The following C14orf93 variants were observed in gnomAD, a reference collection of about 807,000 sequenced individuals.
C14orf93 encodes the protein chromosome 14 open reading frame 93.
C14orf93 carries 23 observed loss-of-function variants against 44.0 expected under a neutral mutation model. That is an observed-to-expected ratio of 0.52 (90% confidence interval 0.38 to 0.74). The LOEUF (loss-of-function observed/expected upper bound fraction) is 0.74, where lower values mean the gene tolerates loss of function less well. Ranked by LOEUF, C14orf93 falls within the 30% of genes least tolerant of loss-of-function variation. C14orf93 has a pLI of 0.00. For missense variants in C14orf93, 579 were observed against 678.9 expected, an observed-to-expected ratio of 0.85 and a Z score of 1.64; for synonymous variants, 253 against 265.7, an observed-to-expected ratio of 0.95 and a Z score of 0.46.
intron 3 of C14orf93, among the ~76,000 whole-genome samples, chr14:22,991,948 T>C (rs531788394): frequency 6.6e-6 from 1 of 152,210 alleles, no homozygotes; most frequent in Non-Finnish European, 1.5e-5. Flanking sequence ...TATTTCTTCA[T>C]GTGTTACCAC....
chr14:22,987,353 G>A lies in C14orf93; in HGVS notation c.1479C>T (p.Tyr493=), dbSNP rs200838548. 34 of 1,614,254 alleles carry A rather than the reference G, an allele frequency of 2.1e-5. 1 individual carries two copies. The Admixed American group carries it at 4.7e-4, about 22-fold the overall frequency. Residue 493 remains tyrosine (Y), a synonymous_variant, in exon 7 of 7, where the codon TAC becomes TAT. Transcript: ENST00000299088. The surrounding 1 kb of genome is among the most constrained non-coding windows in gnomAD (Gnocchi z 5.6). ...AEAQLLPPEL[Y]NPNFQEEEDE... ...CTTCCTCTTCTTGGAAATTAGGATT[G>A]TAAAGTTCTGGTGGAAGGAGCTGGG... is the stretch of plus-strand genomic sequence containing the variant.
Position 22,989,842 on chromosome 14 carries a change from G to C in C14orf93, c.984C>G (p.Ile328Met), listed in dbSNP as rs1253435160. Residue 328 changes from isoleucine (I) to methionine (M), a missense_variant, in exon 5 of 7, where the codon ATC becomes ATG. Transcript: ENST00000299088. Reference sequence around the variant, plus strand: ...CTACTGAAATATTCCAAGAGGACTTGATGCTGCCACAAAGAGAAGAGAATG... The same window carrying C: ...CTACTGAAATATTCCAAGAGGACTTCATGCTGCCACAAAGAGAAGAGAATG... ...NDKRFNGSES[I>M]KSSWNISVVK... 5 of 1,612,946 alleles carry C rather than the reference G, an allele frequency of 3.1e-6. No individual in the cohort carries two copies. Among genetic ancestry groups the C allele is most frequent in the Non-Finnish European group, 4.2e-6 (5 of 1,179,024 alleles).
intron 1 of C14orf93, among the ~76,000 whole-genome samples, chr14:23,001,855 A>T (rs964597861): frequency 2.1e-4 from 31 of 148,694 alleles, no homozygotes; most frequent in Admixed American, 6.0e-4. Context: ...AAAAAAAAAA[A>T]AAAAAAAAAA....
At chr14:23,008,154 CAAAAA>C (rs55936083) in intron 1 of C14orf93, among the ~76,000 whole-genome samples, 3 of 85,064 alleles carry the variant, frequency 3.5e-5, no homozygotes, top group African/African-American at 9.8e-5. Context: ...AACTCCGTTT[CAAAAA>C]AAAAAAAAAA....
At position 22,987,361 on chromosome 14, in the gene C14orf93, C is replaced by G. The variant is rs779937802; in HGVS notation, c.1471G>C (p.Glu491Gln). Residue 491 changes from glutamate to glutamine, a missense_variant, in exon 7 of 7, where the codon GAA (glutamate) becomes CAA (glutamine). Physicochemically the swap from Glu to Gln is conservative, Grantham distance 29. Transcript: ENST00000299088. The surrounding 1 kb of genome is among the most constrained non-coding windows in gnomAD (Gnocchi z 5.6). ...PSAEAQLLPP[E>Q]LYNPNFQEEE... ...TCTTGGAAATTAGGATTGTAAAGTTCTGGTGGAAGGAGCTGGGCTTCAGCA... is the reference window on the plus strand; with the variant it reads ...TCTTGGAAATTAGGATTGTAAAGTTGTGGTGGAAGGAGCTGGGCTTCAGCA... The G allele has an allele frequency of 3.7e-6, 6 of 1,614,100 alleles. No individual in the cohort carries two copies. Among genetic ancestry groups the G allele is most frequent in the Non-Finnish European group, 5.1e-6 (6 of 1,180,054 alleles).
intron 3 of C14orf93, among the ~76,000 whole-genome samples, chr14:22,991,019 C>T (rs1399203084): frequency 9.3e-5 from 14 of 150,984 alleles, no homozygotes; most frequent in Non-Finnish European, 1.2e-4. Flanking sequence ...GGGGTTTCAC[C>T]GTGTTAGCCA....
In C14orf93 at chr14:22,987,886, A is replaced by C; in HGVS notation, c.1197+17T>G. The stretch of plus-strand genomic sequence containing the variant: ...GTTTAGAGTTTAGTATCTTGAAAGA[A>C]AGGCCTAGAAACCTACCCGATATCG... On this transcript the variant is annotated intron_variant, in intron 6 of 6. Transcript: ENST00000299088. This position sits in a 1 kb window ranked among gnomAD's most constrained non-coding sequence, Gnocchi z 5.6. The C allele has an allele frequency of 6.3e-7, 1 of 1,582,570 alleles. No homozygotes were observed. The highest frequency in any genetic ancestry group is 8.7e-7 in the Non-Finnish European group (1 of 1,152,406).
At chr14:23,008,677 CAG>C (rs745960047) in intron 1 of C14orf93, among the ~76,000 whole-genome samples, 12 of 152,296 alleles carry the variant, frequency 7.9e-5, no homozygotes, top group African/African-American at 1.9e-4. Flanking sequence ...GATTCTGTAA[CAG>C]AATGAAGTGA....
intron 4 of C14orf93, 28 bp from the exon 5 acceptor site, chr14:22,989,873 A>G (rs371551519): frequency 1.8e-5 from 29 of 1,594,976 alleles, no homozygotes; most frequent in Non-Finnish European, 2.3e-5. Flanking sequence ...GAATGAATAA[A>G]GTTGTCGGCT....
At chr14:23,007,241 G>A (rs2046670963) in intron 1 of C14orf93, 1 of 152,276 alleles carries the variant, frequency 6.6e-6, no homozygotes, top group Non-Finnish European at 1.5e-5. Context: ...CAGGGTCACG[G>A]ACACTATTGG....
chr14:23,006,309 C>T (rs1455661090), intron 1 of C14orf93: 2 of 152,028 alleles, frequency 1.3e-5, no homozygotes, highest in Non-Finnish European at 1.5e-5. Flanking sequence ...AAGTAAATAC[C>T]ACAAAATACT....
intron 3 of C14orf93, among the ~76,000 whole-genome samples, chr14:22,992,223 T>C (rs1466149252): frequency 6.6e-6 from 1 of 152,056 alleles, no homozygotes; most frequent in Non-Finnish European, 1.5e-5. Context: ...CCCAGTACTT[T>C]GGGAGGCCAA....
At chr14:22,997,204 C>T (rs182567079) in intron 2 of C14orf93, among the ~76,000 whole-genome samples, 3 of 152,314 alleles carry the variant, frequency 2.0e-5, no homozygotes, top group African/African-American at 7.2e-5. Flanking sequence ...CACGGAGAGT[C>T]CTGACCAGCC....
At position 22,996,322 on chromosome 14, in the gene C14orf93, G is replaced by T; in HGVS notation, c.598-54C>A. 1.3e-6 allele frequency: 2 copies of T among 1,482,748 alleles called. No homozygotes were observed. Among genetic ancestry groups the T allele is most frequent in the Non-Finnish European group, 1.8e-6 (2 of 1,104,814 alleles). 91.8% of individuals were successfully genotyped at this position (1,482,748 alleles called of 1,614,324 possible). On this transcript the variant is annotated intron_variant, in intron 2 of 6. Transcript: ENST00000299088. This position sits in a 1 kb window ranked among gnomAD's most constrained non-coding sequence, Gnocchi z 4.1. ...AGCCAGCCAGGCTTAGGGGAACCTG[G>T]TTAACCATCATTCTTTGGCTAAGAA...
chr14:23,001,877 G>A (rs1164592466), intron 1 of C14orf93, among the ~76,000 whole-genome samples: 4 of 149,134 alleles, frequency 2.7e-5, no homozygotes, highest in South Asian at 4.3e-4. Flanking sequence ...AGGGCTGGGC[G>A]GTGGCTCACG....
At chr14:23,003,788 G>A (rs1318494821) in intron 1 of C14orf93, among the ~76,000 whole-genome samples, 5 of 141,960 alleles carry the variant, frequency 3.5e-5, no homozygotes, top group Admixed American at 2.9e-4. Context: ...GAGACAGGGC[G>A]AGACTCCGGC....
intron 1 of C14orf93, among the ~76,000 whole-genome samples, chr14:23,007,650 T>C (rs535685099): frequency 6.6e-6 from 1 of 152,298 alleles, no homozygotes; most frequent in South Asian, 2.1e-4. Context: ...TTCTCTCCTT[T>C]CTTAGGAAGA....
At chr14:22,999,701 T>C (rs1316030900) in intron 1 of C14orf93, among the ~76,000 whole-genome samples, 1 of 152,220 alleles carries the variant, frequency 6.6e-6, no homozygotes, top group Non-Finnish European at 1.5e-5. Context: ...CTGATACCAC[T>C]TTTTGTTGAC....
chr14:22,987,915 A>T lies in C14orf93; in HGVS notation c.1185T>A (p.Ser395Arg). ...LKEKEEKKLR[S>R]RRYRLFANRS... ...CCTAGAAACCTACCCGATATCGGCG[A>T]CTTCGAAGTTTCTTCTCCTCTTTTT... The change falls in exon 6 of 7, where the codon AGT becomes AGA. Residue 395 changes from serine (S) to arginine (R), a missense_variant. Ser to Arg is a moderately radical substitution (Grantham distance 110). Coordinates refer to ENST00000299088, the MANE Select transcript of C14orf93 (RefSeq NM_021944.4). The surrounding 1 kb of genome is among the most constrained non-coding windows in gnomAD (Gnocchi z 5.6). 1 of 1,612,902 alleles carries T rather than the reference A, an allele frequency of 6.2e-7. No homozygotes were observed. The highest frequency in any genetic ancestry group is 8.5e-7 in the Non-Finnish European group (1 of 1,178,952).
Sources: gnomAD v4.1 joint callset for allele counts (sites outside exome capture counted in the v4.1 genomes callset) on GRCh38, gnomAD v4.1.1 for gene constraint, Gnocchi (gnomAD v3.1) non-coding constraint, MANE v1.5 for transcripts, NCBI Gene and HGNC (gene_info 2026-07-23, HGNC 2026-07-21) for gene names.